The following LRMDA variants were observed in gnomAD, a reference collection of about 807,000 sequenced individuals.
LRMDA encodes leucine rich melanocyte differentiation associated, also known as leucine-rich melanocyte differentiation-associated protein.
In LRMDA, 18 loss-of-function variants were observed where a neutral mutation model predicts 29.8. The ratio of observed to expected loss-of-function variants is 0.60; its 90% CI spans 0.42 to 0.90. The LOEUF (loss-of-function observed/expected upper bound fraction) is 0.90, where lower values mean the gene tolerates loss of function less well. Ranked by LOEUF, LRMDA falls within the 40% of genes least tolerant of loss-of-function variation. The probability of loss-of-function intolerance (pLI) is 0.00; values close to 1 mark genes in which losing one functional copy is unlikely to be tolerated. For synonymous variants in LRMDA, 125 were observed against 109.4 expected (o/e 1.14, Z -0.89); for missense variants, 273 against 273.9 (o/e 1.00, Z 0.02).
At chr10:76,271,101 G>A (rs1840063131) in intron 5 of LRMDA, among the ~76,000 whole-genome samples, 2 of 152,174 alleles carry the variant, frequency 1.3e-5, no homozygotes, top group South Asian at 4.1e-4. Flanking sequence ...TTTTACTACA[G>A]ATCCATATGT....
intron 6 of LRMDA, chr10:76,438,568 A>G (rs1251921529): frequency 6.6e-6 from 1 of 152,136 alleles, no homozygotes; most frequent in African/African-American, 2.4e-5. Flanking sequence ...GTTGTGGCAG[A>G]AAGAGATTAG....
At chr10:76,156,951 G>A (rs1221248029) in intron 5 of LRMDA, among the ~76,000 whole-genome samples, 3 of 152,168 alleles carry the variant, frequency 2.0e-5, no homozygotes, top group African/African-American at 7.2e-5. Flanking sequence ...TTCACTTTTA[G>A]GTTCTTGGTG....
chr10:76,527,461 T>C (rs1428912620), intron 6 of LRMDA, among the ~76,000 whole-genome samples: 1 of 152,154 alleles, frequency 6.6e-6, no homozygotes, highest in African/African-American at 2.4e-5. Flanking sequence ...TGATTTTTTT[T>C]CCCCTCTTGA....
intron 5 of LRMDA, among the ~76,000 whole-genome samples, chr10:76,221,177 C>A (rs1161392563): frequency 6.6e-6 from 1 of 152,006 alleles, no homozygotes; most frequent in South Asian, 2.1e-4. Context: ...ACTGAATGGG[C>A]AAAAACTGGA....
At chr10:76,504,659 C>T (rs577247161) in intron 6 of LRMDA, among the ~76,000 whole-genome samples, 48 of 152,018 alleles carry the variant, frequency 3.2e-4, no homozygotes, top group African/African-American at 8.2e-4. Context: ...CCTGTTTGCA[C>T]GGTAGATCCT....
chr10:76,352,060 A>G (rs981506188), intron 6 of LRMDA, among the ~76,000 whole-genome samples: 2 of 152,128 alleles, frequency 1.3e-5, no homozygotes, highest in African/African-American at 4.8e-5. Context: ...AAATAGGGAC[A>G]ATAATAACAC....
chr10:75,691,420 T>C (rs1164025441), intron 2 of LRMDA, among the ~76,000 whole-genome samples: 1 of 151,950 alleles, frequency 6.6e-6, no homozygotes, highest in Non-Finnish European at 1.5e-5. Flanking sequence ...TCTTTCCCTT[T>C]GCAGAATCCT....
chr10:76,451,782 C>T (rs189902404), intron 6 of LRMDA, among the ~76,000 whole-genome samples: 3 of 151,756 alleles, frequency 2.0e-5, no homozygotes, highest in Admixed American at 6.6e-5. Flanking sequence ...CTCAGCCTCC[C>T]GAGTAGCTGG....
rs555450215 is a variant in LRMDA, at chr10:75,740,136, GAAATA to G, written c.132-295859_132-295855del. ...AGCCATACATAATGCATACATTTCT[GAAATA>G]AAATAAAATAAATGCGTGCTTTTAG... On this transcript the variant is annotated intron_variant, in intron 2 of 6. Coordinates refer to ENST00000611255, the MANE Select transcript of LRMDA (RefSeq NM_001305581.2). Among the ~76,000 whole-genome samples the G allele has an allele frequency of 2.3e-4, 35 of 152,296 alleles. No individual in the cohort carries two copies. The East Asian group carries it at 5.0e-3, about 22-fold the overall frequency.
intron 6 of LRMDA, among the ~76,000 whole-genome samples, chr10:76,337,000 A>G (rs140772806): frequency 6.6e-6 from 1 of 152,182 alleles, no homozygotes; most frequent in East Asian, 1.9e-4. Context: ...ATTTCATATA[A>G]TGTTCAAATC....
At chr10:76,393,346 G>A (rs1841745875) in intron 6 of LRMDA, among the ~76,000 whole-genome samples, 1 of 151,916 alleles carries the variant, frequency 6.6e-6, no homozygotes, top group South Asian at 2.1e-4. Flanking sequence ...CTAGCTTTTT[G>A]ATAATAGCCA....
At chr10:75,782,556 C>T (rs896653320) in intron 2 of LRMDA, among the ~76,000 whole-genome samples, 10 of 152,070 alleles carry the variant, frequency 6.6e-5, no homozygotes, top group Non-Finnish European at 1.3e-4. Context: ...GAAAGGAGGC[C>T]GGTACTTTCA....
rs989450425 is a variant in LRMDA, at chr10:76,286,832, C to T, written c.517-37569C>T. 3.3e-5 allele frequency among the ~76,000 whole-genome samples: 5 copies of T among 152,160 alleles called. 1 individual carries two copies. Among genetic ancestry groups the T allele is most frequent in the Admixed American group, 6.5e-5 (1 of 15,290 alleles). On this transcript the variant is annotated intron_variant, in intron 5 of 6. Transcript: ENST00000611255. ...TTTGTCCAGAGTTTTAATGTTTTTC[C>T]AAATTTGTTTCTCCAAATCCTAGCT...
intron 2 of LRMDA, among the ~76,000 whole-genome samples, chr10:75,476,521 C>T (rs1443444047): frequency 6.6e-6 from 1 of 152,188 alleles, no homozygotes; most frequent in Admixed American, 6.5e-5. Flanking sequence ...CATGTCTGCC[C>T]CTATCTCCTA....
At chr10:75,988,356 G>A (rs57513479) in intron 2 of LRMDA, among the ~76,000 whole-genome samples, 12,703 of 151,896 alleles carry the variant, frequency 0.084, 1,449 homozygotes, top group African/African-American at 0.26. Context: ...CCGTGAGTCC[G>A]AACAGGGGAC....
chr10:75,601,706 A>G (rs934587362), intron 2 of LRMDA, among the ~76,000 whole-genome samples: 11 of 152,170 alleles, frequency 7.2e-5, no homozygotes, highest in East Asian at 1.9e-4. Context: ...TCTAACATCT[A>G]TTGAGTACTT....
At chr10:76,178,936 C>T (rs138190726) in intron 5 of LRMDA, among the ~76,000 whole-genome samples, 44 of 152,258 alleles carry the variant, frequency 2.9e-4, no homozygotes, top group South Asian at 1.4e-3. Flanking sequence ...ATGAGCCCTC[C>T]GATGGTGTTC....
chr10:76,447,135 C>A (rs919382887), intron 6 of LRMDA, among the ~76,000 whole-genome samples: 1 of 151,318 alleles, frequency 6.6e-6, no homozygotes, highest in Non-Finnish European at 1.5e-5. Context: ...CACTAGTGTT[C>A]TCTTTAACCA....
At chr10:75,669,746 C>G (rs762231337) in intron 2 of LRMDA, among the ~76,000 whole-genome samples, 1 of 152,126 alleles carries the variant, frequency 6.6e-6, no homozygotes, top group Non-Finnish European at 1.5e-5. Flanking sequence ...CGCCTCAGTA[C>G]TTTTTGGTGA....
Sources: allele counts gnomAD v4.1 joint callset (sites outside exome capture counted in the v4.1 genomes callset), GRCh38; gene constraint gnomAD v4.1.1; transcripts MANE v1.5; gene names NCBI Gene and HGNC (gene_info 2026-07-23, HGNC 2026-07-21).